RP1: variants seen among roughly 807,000 people sequenced by gnomAD.
RP1 encodes oxygen-regulated protein 1.
A neutral mutation model predicts 14.8 loss-of-function variants in RP1; 16 were observed. That is an observed-to-expected ratio of 1.08 (90% CI 0.73 to 1.65). The LOEUF is 1.65. Among genes scored for constraint, RP1 ranks in the 40% most tolerant of loss-of-function variants. The pLI is 0.00. For synonymous variants in RP1, 876 were observed against 883.6 expected (o/e 0.99, Z 0.15); for missense variants, 2,631 against 2,535.0 (o/e 1.04, Z -0.81).
At chr8:54,572,532 A>G (rs1804545568) in intron 1 of RP1, among the ~76,000 whole-genome samples, 1 of 152,190 alleles carries the variant, frequency 6.6e-6, no homozygotes, top group Non-Finnish European at 1.5e-5. Context: ...TTCGACTGGA[A>G]CCTTCCTTGG....
intron 1 of RP1, among the ~76,000 whole-genome samples, chr8:54,618,957 G>C (rs436527): frequency 6.6e-6 from 1 of 152,108 alleles, no homozygotes; most frequent in African/African-American, 2.4e-5. Flanking sequence ...CACCACGCCC[G>C]GGCCTAAAGT....
Position 54,621,216 on chromosome 8 carries a change from A to T in RP1, c.250A>T (p.Ser84Cys). 1 of 1,614,090 alleles carries T rather than the reference A, an allele frequency of 6.2e-7. No individual in the cohort carries two copies. Among genetic ancestry groups the T allele is most frequent in the South Asian group, 1.1e-5 (1 of 91,072 alleles). Reference sequence around the variant, plus strand: ...CCTCCCTTTTGGAGTGAGGAACATCAGCACCCCTCGGGGCAGGCACAGCAT... The same window carrying T: ...CCTCCCTTTTGGAGTGAGGAACATCTGCACCCCTCGGGGCAGGCACAGCAT... ...VPLPFGVRNISTPRGRHSITR... is the reference protein window; with the variant it reads ...VPLPFGVRNICTPRGRHSITR... Residue 84 changes from serine to cysteine, a missense_variant, in exon 2 of 4, where the codon AGC becomes TGC. By Grantham distance (112) the Ser-to-Cys change is moderately radical (BLOSUM62 -1). Transcript: ENST00000220676.
chr8:54,766,707 C>T (rs147318825), intron 22 of RP1, among the ~76,000 whole-genome samples: 187 of 152,258 alleles, frequency 1.2e-3, no homozygotes, highest in African/African-American at 4.3e-3. Flanking sequence ...TGTTTTAAGG[C>T]GGGAGCACCC....
intron 15 of RP1, among the ~76,000 whole-genome samples, chr8:54,715,295 C>A (rs1367069633): frequency 6.6e-6 from 1 of 152,152 alleles, no homozygotes; most frequent in Non-Finnish European, 1.5e-5. Context: ...GAAGGCGCAC[C>A]TTTTGCAGTC....
chr8:54,719,091 A>G (rs1338203685), intron 15 of RP1, among the ~76,000 whole-genome samples: 13 of 152,176 alleles, frequency 8.5e-5, no homozygotes, highest in African/African-American at 2.2e-4. Context: ...GCTTTTCTGT[A>G]CTTACCTTCT....
chr8:54,848,876 G>A (rs565449143), intron 25 of RP1, among the ~76,000 whole-genome samples: 1 of 152,124 alleles, frequency 6.6e-6, no homozygotes, highest in Non-Finnish European at 1.5e-5. Flanking sequence ...AGCCTCCCGA[G>A]TAGCTGAGAT....
At chr8:54,793,490 G>T (rs1416755807) in intron 24 of RP1, among the ~76,000 whole-genome samples, 2 of 151,766 alleles carry the variant, frequency 1.3e-5, no homozygotes, top group East Asian at 3.9e-4. Flanking sequence ...TAATCAAGTG[G>T]GGTTTATCCC....
intron 1 of RP1, among the ~76,000 whole-genome samples, chr8:54,605,237 T>C (rs1805402426): frequency 6.6e-6 from 1 of 152,228 alleles, no homozygotes; most frequent in Non-Finnish European, 1.5e-5. Flanking sequence ...TGGTATGTTG[T>C]GTCTTTGTTC....
rs146192677 is a variant in RP1 at position 54,814,341 on chromosome 8, G to A, written c.3616-23109G>A. Among the ~76,000 whole-genome samples the A allele has an allele frequency of 4.6e-3, 698 of 152,190 alleles. 23 individuals carry two copies. The highest frequency in any genetic ancestry group is 0.04 in the Admixed American group (618 of 15,282). On this transcript the variant is annotated intron_variant, in intron 24 of 28. Transcript: ENST00000637698. ...AAGTGGATATCTGCAGAGAATGAATGAGCACTCAAAAGTAAAAAATGAACA... is the reference window on the plus strand; with the variant it reads ...AAGTGGATATCTGCAGAGAATGAATAAGCACTCAAAAGTAAAAAATGAACA...
chr8:54,869,691 G>A (rs1007170948), intron 28 of RP1, among the ~76,000 whole-genome samples: 1 of 152,178 alleles, frequency 6.6e-6, no homozygotes, highest in Non-Finnish European at 1.5e-5. Context: ...AAATAATCTG[G>A]TGTGGCTTAA....
intron 2 of RP1, among the ~76,000 whole-genome samples, 176 bp downstream of exon 2, chr8:54,621,757 A>T (rs1237423916): frequency 1.3e-5 from 2 of 152,068 alleles, no homozygotes; most frequent in Non-Finnish European, 1.5e-5. Flanking sequence ...TCTGACTGGA[A>T]TCTCATCTTT....
intron 15 of RP1, among the ~76,000 whole-genome samples, chr8:54,713,579 C>T (rs1470826507): frequency 6.6e-6 from 1 of 152,076 alleles, no homozygotes; most frequent in East Asian, 1.9e-4. Flanking sequence ...TTTGCCTCTT[C>T]ATTCAAAGTA....
At chr8:54,605,167 T>C (rs188931434) in intron 1 of RP1, among the ~76,000 whole-genome samples, 151 of 152,332 alleles carry the variant, frequency 9.9e-4, no homozygotes, top group African/African-American at 3.5e-3. Context: ...CTTTCTCTTG[T>C]GGGCATTTAG....
downstream of RP1, among the ~76,000 whole-genome samples, chr8:54,631,839 G>T (rs1806251381): frequency 6.9e-6 from 1 of 144,496 alleles, no homozygotes; most frequent in Admixed American, 7.3e-5. Context: ...AGGAAGAAGG[G>T]ATAAGATTTT....
chr8:54,751,085 T>C (rs2375221), intron 19 of RP1, among the ~76,000 whole-genome samples: 126,315 of 152,178 alleles, frequency 0.83, 52,951 homozygotes, highest in African/African-American at 0.96. Context: ...TGTGAAGGTC[T>C]GCGGCTCCAT....
At chr8:54,831,938 G>A (rs1811539888) in intron 24 of RP1, among the ~76,000 whole-genome samples, 1 of 151,628 alleles carries the variant, frequency 6.6e-6, no homozygotes, top group African/African-American at 2.4e-5. Context: ...ACTTCAGTTT[G>A]ACAATGTTCA....
At chr8:54,611,405 A>C (rs1805588442), upstream of RP1, among the ~76,000 whole-genome samples, 1 of 152,100 alleles carries the variant, frequency 6.6e-6, no homozygotes, top group South Asian at 2.1e-4. Context: ...CTTTCTGGTC[A>C]TCAAACTCAA....
intron 1 of RP1, among the ~76,000 whole-genome samples, chr8:54,617,653 G>T (rs117087760): frequency 6.6e-6 from 1 of 152,100 alleles, no homozygotes; most frequent in Non-Finnish European, 1.5e-5. Flanking sequence ...TCTGGAAATT[G>T]CCCTCTCTTC....
intron 3 of RP1, among the ~76,000 whole-genome samples, chr8:54,623,226 C>A (rs1805929843): frequency 6.6e-6 from 1 of 152,052 alleles, no homozygotes; most frequent in Non-Finnish European, 1.5e-5. Context: ...TCACGTTTGT[C>A]ATTTTACTAA....
Sources: allele counts gnomAD v4.1 joint callset (sites outside exome capture counted in the v4.1 genomes callset), GRCh38; gene constraint gnomAD v4.1.1; transcripts MANE v1.5; gene names NCBI Gene and HGNC (gene_info 2026-07-23, HGNC 2026-07-21).